Variants in ASIC2 observed in about 807,000 individuals in gnomAD.
The protein encoded by ASIC2 is acid sensing ion channel subunit 2, also known as acid-sensing ion channel 2.
A neutral mutation model predicts 57.3 loss-of-function variants in ASIC2; 25 were observed. That is an observed-to-expected ratio of 0.44 (90% confidence interval 0.32 to 0.61). ASIC2 has a LOEUF of 0.61. ASIC2 is among the 20% of genes least tolerant of loss of function. The pLI, the probability that ASIC2 is intolerant of heterozygous loss-of-function variation, is 0.06. For missense variants in ASIC2, 641 were observed against 738.1 expected, an observed-to-expected ratio of 0.87 and a Z score of 1.52; for synonymous variants, 319 against 307.5, an observed-to-expected ratio of 1.04 and a Z score of -0.39.
intron 1 of ASIC2, among the ~76,000 whole-genome samples, chr17:33,225,138 A>G (rs1229372692): frequency 2.0e-5 from 3 of 152,214 alleles, no homozygotes. Context: ...AAAACCCTTG[A>G]TGGCTTTGAT....
chr17:33,133,705 C>T (rs1003622351), intron 1 of ASIC2, among the ~76,000 whole-genome samples: 10 of 152,152 alleles, frequency 6.6e-5, no homozygotes, highest in South Asian at 2.1e-4. Flanking sequence ...AAGGTAGGTC[C>T]GTGGTGATCT....
intron 1 of ASIC2, among the ~76,000 whole-genome samples, chr17:33,845,316 A>G (rs1913549955): frequency 6.6e-6 from 1 of 152,338 alleles, no homozygotes; most frequent in East Asian, 1.9e-4. Context: ...CATGTATGCC[A>G]AGGGAAAACT....
At chr17:33,192,731 G>A (rs1323889547) in intron 1 of ASIC2, among the ~76,000 whole-genome samples, 10 of 152,132 alleles carry the variant, frequency 6.6e-5, no homozygotes, top group Admixed American at 6.5e-4. Context: ...GGAGAAATCG[G>A]AAAGCTGCCT....
chr17:33,548,669 C>T (rs1270911177), intron 1 of ASIC2, among the ~76,000 whole-genome samples: 1 of 152,128 alleles, frequency 6.6e-6, no homozygotes, highest in Non-Finnish European at 1.5e-5. Context: ...TGCATAAATT[C>T]CAAATCCCTA....
intron 1 of ASIC2, among the ~76,000 whole-genome samples, chr17:33,960,933 A>G (rs1904900212): frequency 6.6e-6 from 1 of 152,156 alleles, no homozygotes. Flanking sequence ...ATGAATAGAG[A>G]CCCAACAAAT....
chr17:33,579,480 G>A (rs1450691027), intron 1 of ASIC2, among the ~76,000 whole-genome samples: 2 of 152,064 alleles, frequency 1.3e-5, no homozygotes, highest in African/African-American at 4.8e-5. Flanking sequence ...CATTCATTGA[G>A]AATCACGTGC....
At chr17:33,084,708 T>C (rs1460805046) in intron 3 of ASIC2, among the ~76,000 whole-genome samples, 1 of 152,142 alleles carries the variant, frequency 6.6e-6, no homozygotes, top group East Asian at 1.9e-4. Flanking sequence ...GGAACTGTTG[T>C]TATTCTTCTA....
At chr17:33,699,081 G>T (rs146683351) in intron 1 of ASIC2, among the ~76,000 whole-genome samples, 2 of 152,114 alleles carry the variant, frequency 1.3e-5, no homozygotes, top group Admixed American at 6.5e-5. Context: ...TGTATTCCTG[G>T]TAGAGAAGGA....
At chr17:34,122,663 T>A (rs1184431049) in intron 1 of ASIC2, among the ~76,000 whole-genome samples, 2 of 152,256 alleles carry the variant, frequency 1.3e-5, no homozygotes, top group Non-Finnish European at 2.9e-5. Flanking sequence ...TAGCCAGTGC[T>A]GTATCCCAAG....
rs563983510 is a variant in ASIC2, at chr17:33,977,627, C to T, written c.555+178351G>A. Among the ~76,000 whole-genome samples, 13 of 152,280 alleles carry T rather than the reference C, an allele frequency of 8.5e-5. No individual in the cohort carries two copies. In the South Asian group the frequency reaches 2.7e-3, roughly 32 times the overall value. On this transcript the variant is annotated intron_variant, in intron 1 of 9. Coordinates refer to the ASIC2 transcript ENST00000359872. ...CCATGGCATTTTTCTGTAGGATTTT[C>T]CTTTCAGGCCCTCTCCTAAGAGAGA...
intron 1 of ASIC2, among the ~76,000 whole-genome samples, chr17:33,488,196 C>G (rs756967480): frequency 6.6e-6 from 1 of 152,072 alleles, no homozygotes; most frequent in African/African-American, 2.4e-5. Flanking sequence ...GTATTAGAAA[C>G]GCCGTCACTC....
intron 1 of ASIC2, among the ~76,000 whole-genome samples, chr17:33,782,200 A>G (rs1168778699): frequency 6.6e-6 from 1 of 152,176 alleles, no homozygotes; most frequent in African/African-American, 2.4e-5. Context: ...TACAGATAAT[A>G]CTTTTGTGTA....
intron 1 of ASIC2, chr17:33,828,336 T>C (rs1348919303): frequency 2.0e-5 from 3 of 152,172 alleles, no homozygotes; most frequent in East Asian, 3.8e-4. Flanking sequence ...CTCTAGGGGT[T>C]GGGATGAGAG....
At chr17:33,977,672 T>A (rs960023472) in intron 1 of ASIC2, among the ~76,000 whole-genome samples, 2 of 152,166 alleles carry the variant, frequency 1.3e-5, no homozygotes, top group Non-Finnish European at 2.9e-5. Context: ...ATCCCCTACA[T>A]CCTATACCGT....
chr17:33,380,692 C>A (rs976060960), intron 1 of ASIC2, among the ~76,000 whole-genome samples: 1 of 152,182 alleles, frequency 6.6e-6, no homozygotes, highest in Non-Finnish European at 1.5e-5. Context: ...CCTCCTTTGT[C>A]CCTCATCAAG....
intron 1 of ASIC2, among the ~76,000 whole-genome samples, chr17:33,156,734 C>G (rs1034943433): frequency 6.6e-6 from 1 of 151,874 alleles, no homozygotes; most frequent in African/African-American, 2.4e-5. Context: ...CCAGCCTGGG[C>G]GACAGAGCGA....
chr17:33,253,587 C>A (rs1276719355), intron 1 of ASIC2, among the ~76,000 whole-genome samples: 1 of 152,198 alleles, frequency 6.6e-6, no homozygotes, highest in East Asian at 1.9e-4. Context: ...TCTGCCTCTG[C>A]AGCATTGACT....
chr17:33,592,249 C>G (rs1237891576), intron 1 of ASIC2, among the ~76,000 whole-genome samples: 1 of 152,206 alleles, frequency 6.6e-6, no homozygotes, highest in Non-Finnish European at 1.5e-5. Context: ...CACCATTGAC[C>G]CCCTGCTCTG....
At chr17:33,582,441 G>A (rs921465439) in intron 1 of ASIC2, among the ~76,000 whole-genome samples, 2 of 152,178 alleles carry the variant, frequency 1.3e-5, no homozygotes, top group African/African-American at 4.8e-5. Context: ...TGAGAGGTTA[G>A]CGCTTAAGAG....
Sources: gnomAD v4.1 joint callset for allele counts (sites outside exome capture counted in the v4.1 genomes callset) on GRCh38, gnomAD v4.1.1 for gene constraint, MANE v1.5 for transcripts, NCBI Gene and HGNC (gene_info 2026-07-23, HGNC 2026-07-21) for gene names.